PES1: variants seen among roughly 807,000 people sequenced by gnomAD.
PES1 encodes the protein pescadillo homolog.
PES1 carries 31 observed loss-of-function variants against 77.1 expected under a neutral mutation model. That is an observed-to-expected ratio of 0.40 (90% CI 0.30 to 0.54). The LOEUF (loss-of-function observed/expected upper bound fraction) is 0.54. PES1 is among the 20% of genes least tolerant of loss of function. The pLI, the probability that PES1 is intolerant of heterozygous loss-of-function variation, is 0.45. For synonymous variants in PES1, 282 were observed against 303.0 expected, an observed-to-expected ratio of 0.93 and a Z score of 0.72; for missense variants, 658 against 771.7, an observed-to-expected ratio of 0.85 and a Z score of 1.75.
rs1351948025 is a variant in PES1, at chr22:30,589,199, A to G, written c.96T>C (p.Ala32=). The G allele has an allele frequency of 2.5e-6, 4 of 1,613,628 alleles. No individual in the cohort carries two copies. The highest frequency in any genetic ancestry group is 4.5e-5 in the East Asian group (2 of 44,894). The change falls in exon 2 of 15, where the codon GCT becomes GCC. Residue 32 remains alanine (A), a synonymous_variant. Coordinates refer to ENST00000354694, the MANE Select transcript of PES1 (RefSeq NM_014303.4). The part of the protein sequence containing the change: ...KARKKLQLSL[A]DFRRLCILKG... The stretch of plus-strand genomic sequence containing the variant: ...GGTCCCTCTATATTCACCTAAAGTC[A>G]GCCAAGCTCAGCTGGAGCTTCTTCC...
chr22:30,579,303 C>T lies in PES1; in HGVS notation c.1355G>A (p.Gly452Glu), dbSNP rs1390174286. The T allele has an allele frequency of 1.9e-6, 3 of 1,600,158 alleles. No homozygotes were observed. Among genetic ancestry groups the T allele is most frequent in the Admixed American group, 1.7e-5 (1 of 60,010 alleles). Residue 452 changes from glycine to glutamate, a missense_variant and splice_region_variant, in exon 13 of 15, where the codon GGA becomes GAA. Transcript: ENST00000354694. ...CTCCTCTTCTGACTCATTCAGGTTTCCTAGAGAAAGCCAATGTCCTCTGAA... is the reference window on the plus strand; with the variant it reads ...CTCCTCTTCTGACTCATTCAGGTTTTCTAGAGAAAGCCAATGTCCTCTGAA... ...LLALQRGEDP[G>E]NLNESEEEEE...
At chr22:30,606,670 A>G (rs1438770782) in intron 1 of PES1, 1 of 139,546 alleles carries the variant, frequency 7.2e-6, no homozygotes, top group Non-Finnish European at 1.4e-5. Context: ...CCTCCCCTCA[A>G]TTGCCCAACT....
chr22:30,596,460 C>A (rs2087253947), upstream of PES1, among the ~76,000 whole-genome samples: 2 of 148,668 alleles, frequency 1.3e-5, no homozygotes, highest in Admixed American at 6.7e-5. Flanking sequence ...GCTGGGATTA[C>A]AGGCATGAGC....
rs187374933 is a variant in PES1, at chr22:30,582,723, T to C, written c.631-1079A>G. ...CAGTGACCTGTGCTGTGAGAGCACA[T>C]AGGGCCAAGAGAAGCCCTGCCTGTT... On this transcript the variant is annotated intron_variant, in intron 6 of 14. Transcript: ENST00000354694. Among the ~76,000 whole-genome samples the C allele has an allele frequency of 1.5e-3, 231 of 152,268 alleles. 1 individual carries two copies. Among genetic ancestry groups the C allele is most frequent in the African/African-American group, 2.9e-3 (120 of 41,552 alleles).
At chr22:30,606,795 G>A in intron 1 of PES1, 1 of 980,890 alleles carries the variant, frequency 1.0e-6, no homozygotes, top group Non-Finnish European at 1.2e-6. Context: ...GCTGACTCCA[G>A]CAATGCTGCT....
At chr22:30,583,624 C>G (rs2087020099) in intron 6 of PES1, among the ~76,000 whole-genome samples, 1 of 152,182 alleles carries the variant, frequency 6.6e-6, no homozygotes, top group Non-Finnish European at 1.5e-5. Context: ...CCCAGGATTT[C>G]AAAGAGATAA....
At chr22:30,578,813 C>T in intron 14 of PES1, 24 bp downstream of exon 14, 2 of 1,611,388 alleles carry the variant, frequency 1.2e-6, no homozygotes, top group Non-Finnish European at 1.7e-6. Flanking sequence ...ACACCTGGAT[C>T]TCAAGTGGGT....
chr22:30,588,626 T>A (rs1443931198), intron 2 of PES1, among the ~76,000 whole-genome samples: 1 of 150,758 alleles, frequency 6.6e-6, no homozygotes, highest in Non-Finnish European at 1.5e-5. Flanking sequence ...AAAAAAAAAA[T>A]ACAAACATTA....
At chr22:30,602,718 C>T (rs1377356803) in intron 2 of PES1, among the ~76,000 whole-genome samples, 1 of 152,070 alleles carries the variant, frequency 6.6e-6, no homozygotes, top group Non-Finnish European at 1.5e-5. Flanking sequence ...TCTAAAAAGG[C>T]ATCACCTCTT....
At chr22:30,589,361 A>T (rs966692991) in intron 1 of PES1, 91 bp from the exon 2 acceptor site, 2 of 1,063,774 alleles carry the variant, frequency 1.9e-6, no homozygotes, top group African/African-American at 3.1e-5. Context: ...GGCAACTATC[A>T]CTCTGGATAA....
At chr22:30,606,918 C>G in exon 1 of PES1, 1 of 1,067,526 alleles carries the variant, frequency 9.4e-7, no homozygotes. Context: ...TCCTGCCAAT[C>G]CACCACTGGA....
At chr22:30,602,942 G>T (rs934275983) in intron 2 of PES1, among the ~76,000 whole-genome samples, 1 of 151,310 alleles carries the variant, frequency 6.6e-6, no homozygotes, top group East Asian at 1.9e-4. Flanking sequence ...AAGGAGTCTC[G>T]CTCTGTTGTC....
In PES1 at chr22:30,582,888, T is replaced by C. The variant is rs554824194; in HGVS notation, c.631-1244A>G. Among the ~76,000 whole-genome samples, 95 of 152,304 alleles carry C rather than the reference T, an allele frequency of 6.2e-4. 1 individual carries two copies. In the South Asian group the frequency reaches 9.5e-3, roughly 15 times the overall value. On this transcript the variant is annotated intron_variant, in intron 6 of 14. Transcript: ENST00000354694. ...ACAACCAGCCTGAGTTCCACAGCTA[T>C]GAACCCAACCCTGGCTGCTCACAGG...
chr22:30,593,539 G>A (rs761258989), upstream of PES1, among the ~76,000 whole-genome samples: 2 of 152,106 alleles, frequency 1.3e-5, no homozygotes, highest in East Asian at 1.9e-4. Flanking sequence ...GGAGAGGGTG[G>A]CAGTGGCTGG....
chr22:30,580,815 C>A, intron 9 of PES1, 114 bp from the exon 10 acceptor site: 1 of 1,499,530 alleles, frequency 6.7e-7, no homozygotes. Context: ...ATCCTGCCTT[C>A]AAAGGAAACT....
intron 2 of PES1, among the ~76,000 whole-genome samples, chr22:30,603,508 A>G (rs1030104494): frequency 2.6e-5 from 4 of 151,864 alleles, no homozygotes; most frequent in African/African-American, 7.3e-5. Flanking sequence ...CAACCTCCCA[A>G]GTAGCTGGGA....
Position 30,591,760 on chromosome 22 carries a change from C to T in PES1, c.24+50G>A. On this transcript the variant is annotated intron_variant, in intron 1 of 14. Coordinates refer to ENST00000354694, the MANE Select transcript of PES1 (RefSeq NM_014303.4). ...GGAAAAGAGTCGACCCCATGCTCTG[C>T]CGCCCCCGCACCCCACCCCTCGGGA... 2.6e-6 allele frequency: 4 copies of T among 1,542,640 alleles called. No individual in the cohort carries two copies. In the South Asian group the frequency reaches 3.6e-5, roughly 14 times the overall value.
At position 30,587,590 on chromosome 22, in the gene PES1, G is replaced by T. The variant is rs183342582; in HGVS notation, c.259-195C>A. On this transcript the variant is annotated intron_variant, in intron 3 of 14. Coordinates refer to ENST00000354694, the MANE Select transcript of PES1 (RefSeq NM_014303.4). ...CTCCAAGGAGCACCAAGCCTGGTGT[G>T]TTAACCAGCAGAGCTAGACCAGGCA... Among the ~76,000 whole-genome samples the T allele has an allele frequency of 2.6e-3, 395 of 152,308 alleles. 1 individual carries two copies. Among genetic ancestry groups the T allele is most frequent in the African/African-American group, 8.9e-3 (371 of 41,568 alleles).
Position 30,584,735 on chromosome 22 carries a change from C to T in PES1, c.369-18G>A, listed in dbSNP as rs770170806. 4 of 1,612,490 alleles carry T rather than the reference C, an allele frequency of 2.5e-6. No homozygotes were observed. Among genetic ancestry groups the T allele is most frequent in the South Asian group, 1.1e-5 (1 of 90,954 alleles). ...TGGGATACCTGCATGGCCAGTGAGGCAGCACATGGGGCCTGTTCAGCGTGG... is the reference window on the plus strand; with the variant it reads ...TGGGATACCTGCATGGCCAGTGAGGTAGCACATGGGGCCTGTTCAGCGTGG... On this transcript the variant is annotated intron_variant, in intron 4 of 14. Transcript: ENST00000354694.
Sources: gnomAD v4.1 joint callset for allele counts (sites outside exome capture counted in the v4.1 genomes callset) on GRCh38, gnomAD v4.1.1 for gene constraint, MANE v1.5 for transcripts, NCBI Gene and HGNC (gene_info 2026-07-23, HGNC 2026-07-21) for gene names.